RPAP1: variants seen among roughly 807,000 people sequenced by gnomAD.
RPAP1 encodes RNA polymerase II associated protein 1.
Under a neutral mutation model 142.4 loss-of-function variants are expected in RPAP1, and 109 were observed. That is an observed-to-expected ratio of 0.77 (90% confidence interval 0.66 to 0.90). The LOEUF (loss-of-function observed/expected upper bound fraction) is 0.90, where lower values mean the gene tolerates loss of function less well. RPAP1 is among the 40% of genes least tolerant of loss of function. The pLI is 0.00. For synonymous variants in RPAP1, 704 were observed against 738.9 expected (o/e 0.95, Z 0.77); for missense variants, 1,546 against 1,751.7 (o/e 0.88, Z 2.10).
At position 41,526,942 on chromosome 15, in the gene RPAP1, G is replaced by A. The variant is rs1337919191; in HGVS notation, c.1873C>T (p.Leu625Phe). The A allele has an allele frequency of 1.2e-6, 2 of 1,614,094 alleles. No homozygotes were observed. The highest frequency in any genetic ancestry group is 8.5e-7 in the Non-Finnish European group (1 of 1,179,946). Residue 625 changes from leucine to phenylalanine, a missense_variant, in exon 14 of 25, where the codon CTT becomes TTT. Coordinates refer to ENST00000304330, the MANE Select transcript of RPAP1 (RefSeq NM_015540.4). The stretch of plus-strand genomic sequence containing the variant: ...CTCCCAGCTGAGGCCAGGACACGAA[G>A]TAGTTTCATGGCAGTAGCACAGGGT... ...KVPCATAMKLLRVLASAGRNI... is the reference protein window; with the variant it reads ...KVPCATAMKLFRVLASAGRNI...
Position 41,520,444 on chromosome 15 carries a change from G to A in RPAP1, c.3742C>T (p.Leu1248Phe). ...RRFSVTLRLA[L>F]FGEHVGALRA... ...AAGGCTCCCACGTGTTCCCCAAAGAGGGCAAGGCGCAAGGTGACACTGAAC... is the reference window on the plus strand; with the variant it reads ...AAGGCTCCCACGTGTTCCCCAAAGAAGGCAAGGCGCAAGGTGACACTGAAC... Residue 1248 changes from leucine (L) to phenylalanine (F), a missense_variant, in exon 22 of 25, where the codon CTC (leucine) becomes TTC (phenylalanine). Leu to Phe is a conservative substitution (Grantham distance 22). This residue lies in a region of RPAP1 where 210 missense variants were observed against 248.0 expected (regional missense o/e 0.85). Coordinates refer to ENST00000304330, the MANE Select transcript of RPAP1 (RefSeq NM_015540.4). 2 of 1,613,876 alleles carry A rather than the reference G, an allele frequency of 1.2e-6. No individual in the cohort carries two copies. The highest frequency in any genetic ancestry group is 1.7e-6 in the Non-Finnish European group (2 of 1,179,812).
intron 1 of RPAP1, among the ~76,000 whole-genome samples, chr15:41,538,871 C>T (rs962859771): frequency 6.7e-6 from 1 of 148,356 alleles, no homozygotes; most frequent in African/African-American, 2.4e-5. Flanking sequence ...GACTCAGAAA[C>T]ATTTTATTTA....
At position 41,523,781 on chromosome 15, in the gene RPAP1, C is replaced by T; in HGVS notation, c.2426G>A (p.Trp809Ter). The part of the protein sequence containing the change: ...LLFLGAYYQA[W>*]SQQPSSCPED... Reference sequence around the variant, plus strand: ...GCAGGAGGCACTCACTTGCTGGCTCCAGGCCTGGTAGTAGGCTCCCAGGAA... The same window carrying T: ...GCAGGAGGCACTCACTTGCTGGCTCTAGGCCTGGTAGTAGGCTCCCAGGAA... The change falls in exon 17 of 25, where the codon TGG becomes TAG. Residue 809 changes from tryptophan (W) to a stop codon, truncating the protein, a stop_gained. Transcript: ENST00000304330. LOFTEE classifies it high-confidence loss of function. The T allele has an allele frequency of 1.3e-6, 2 of 1,599,208 alleles. No individual in the cohort carries two copies. The highest frequency in any genetic ancestry group is 1.7e-6 in the Non-Finnish European group (2 of 1,173,444).
Position 41,518,179 on chromosome 15 carries a change from G to A in RPAP1, c.3799C>T (p.Pro1267Ser), listed in dbSNP as rs1454764171. Residue 1267 changes from proline (P) to serine (S), a missense_variant, in exon 23 of 25, where the codon CCT becomes TCT. By Grantham distance (74) the Pro-to-Ser change is moderately conservative (BLOSUM62 -1). Coordinates refer to ENST00000304330, the MANE Select transcript of RPAP1 (RefSeq NM_015540.4). ...ACTGTGTAACACTCCAGGGACACAG[G>A]CAACTGTGACAGGGGAAATGACGTG... The part of the protein sequence containing the change: ...RALSLPLTQL[P>S]VSLECYTVPP... 6.4e-7 allele frequency: 1 copy of A among 1,562,518 alleles called. No homozygotes were observed. The highest frequency in any genetic ancestry group is 1.2e-5 in the South Asian group (1 of 83,440).
At position 41,521,047 on chromosome 15, in the gene RPAP1, G is replaced by A; in HGVS notation, c.3139C>T (p.Gln1047Ter). Residue 1047 changes from glutamine (Q) to a stop codon, truncating the protein, a stop_gained, in exon 22 of 25, where the codon CAG becomes TAG. Coordinates refer to ENST00000304330, the MANE Select transcript of RPAP1 (RefSeq NM_015540.4). LOFTEE classifies it high-confidence loss of function. ...PRCGQGTLLA[Q>*]ACQDLPSIRN... is the part of the protein sequence containing the mutation. Reference sequence around the variant, plus strand: ...ATGCTGGGGAGGTCCTGGCAGGCCTGAGCCAGCAGAGTCCCTTGCCCACAC... The same window carrying A: ...ATGCTGGGGAGGTCCTGGCAGGCCTAAGCCAGCAGAGTCCCTTGCCCACAC... The A allele has an allele frequency of 6.3e-7, 1 of 1,587,042 alleles. No individual in the cohort carries two copies. The highest frequency in any genetic ancestry group is 8.6e-7 in the Non-Finnish European group (1 of 1,166,954).
At position 41,525,130 on chromosome 15, in the gene RPAP1, G is replaced by A. The variant is rs550764201; in HGVS notation, c.1936C>T (p.Arg646Trp). ...GCTATGATGCGGCACAGGCGGCTCC[G>A]GAGATCAAAGCTGCTCAACTGGAAA... ...AARLLSSFDL[R>W]SRLCRIIAEA... The change falls in exon 15 of 25, where the codon CGG becomes TGG. Residue 646 changes from arginine (R) to tryptophan (W), a missense_variant. Arg to Trp is a moderately radical substitution (Grantham distance 101). This residue lies in a region of RPAP1 where 1,333 missense variants were observed against 1,486.6 expected (regional missense o/e 0.90). Coordinates refer to ENST00000304330, the MANE Select transcript of RPAP1 (RefSeq NM_015540.4). The A allele has an allele frequency of 2.0e-5, 32 of 1,611,282 alleles. No individual in the cohort carries two copies. The highest frequency in any genetic ancestry group is 4.0e-5 in the African/African-American group (3 of 74,936).
chr15:41,526,101 T>C (rs942277021), intron 14 of RPAP1, among the ~76,000 whole-genome samples: 1 of 152,120 alleles, frequency 6.6e-6, no homozygotes, highest in African/African-American at 2.4e-5. Context: ...AGGCGCACAC[T>C]ATTATACCTG....
chr15:41,534,419 C>G (rs188066288), intron 6 of RPAP1, among the ~76,000 whole-genome samples: 1 of 145,494 alleles, frequency 6.9e-6, no homozygotes, highest in African/African-American at 2.6e-5. Flanking sequence ...ACTCTGTCCC[C>G]CCAAAAAAAA....
Position 41,517,676 on chromosome 15 carries a change from G to A in RPAP1, c.4048C>T (p.Leu1350Phe). ...GAATTGGGAAGCTTATAGTGCAGGAGGTGCTGCCGGAGACCCTGCAGAAAG... is the reference window on the plus strand; with the variant it reads ...GAATTGGGAAGCTTATAGTGCAGGAAGTGCTGCCGGAGACCCTGCAGAAAG... ...LLADEGLRQH[L>F]LHYKLPNSTL... The change falls in exon 25 of 25, where the codon CTC becomes TTC. Residue 1350 changes from leucine to phenylalanine, a missense_variant. Physicochemically the swap from Leu to Phe is conservative, Grantham distance 22. Transcript: ENST00000304330. 1.2e-6 allele frequency: 2 copies of A among 1,612,718 alleles called. No individual in the cohort carries two copies. Among genetic ancestry groups the A allele is most frequent in the Admixed American group, 1.7e-5 (1 of 59,932 alleles).
At position 41,527,925 on chromosome 15, in the gene RPAP1, C is replaced by T; in HGVS notation, c.1363G>A (p.Val455Met). 1 of 1,614,038 alleles carries T rather than the reference C, an allele frequency of 6.2e-7. No individual in the cohort carries two copies. Among genetic ancestry groups the T allele is most frequent in the Non-Finnish European group, 8.5e-7 (1 of 1,179,966 alleles). The change falls in exon 11 of 25, where the codon GTG becomes ATG. Residue 455 changes from valine (V) to methionine (M), a missense_variant. Physicochemically the swap from Val to Met is conservative, Grantham distance 21. Coordinates refer to ENST00000304330, the MANE Select transcript of RPAP1 (RefSeq NM_015540.4). ...ATGGCGGTTGCAATGACCCCATCCA[C>T]TCTGTCATCCAAGGAGAAGCGCAGT... ...FLLRFSLDDR[V>M]DGVIATAIRA...
intron 6 of RPAP1, among the ~76,000 whole-genome samples, chr15:41,533,854 C>T (rs1260609365): frequency 7.8e-6 from 1 of 128,994 alleles, no homozygotes; most frequent in East Asian, 2.4e-4. Flanking sequence ...AAAAAAAAAA[C>T]CTAGGCGCAG....
intron 14 of RPAP1, 98 bp downstream of exon 14, chr15:41,526,800 G>T: frequency 1.7e-6 from 2 of 1,203,074 alleles, no homozygotes; most frequent in Non-Finnish European, 2.3e-6. Flanking sequence ...GGAAGAAGAT[G>T]GCAAGAGCTG....
intron 14 of RPAP1, among the ~76,000 whole-genome samples, chr15:41,525,780 G>A (rs898202849): frequency 6.6e-6 from 1 of 151,428 alleles, no homozygotes. Flanking sequence ...TCAGCCTCTG[G>A]AGTAGCCGGG....
Position 41,524,171 on chromosome 15 carries a change from T to C in RPAP1, c.2159A>G (p.Gln720Arg). 6.3e-7 allele frequency: 1 copy of C among 1,597,860 alleles called. No individual in the cohort carries two copies. The highest frequency in any genetic ancestry group is 8.5e-7 in the Non-Finnish European group (1 of 1,171,024). Residue 720 changes from glutamine to arginine, a missense_variant, in exon 16 of 25, where the codon CAG becomes CGG. Gln to Arg is a conservative substitution (Grantham distance 43, BLOSUM62 1). Coordinates refer to ENST00000304330, the MANE Select transcript of RPAP1 (RefSeq NM_015540.4). Reference protein sequence around the residue: ...STHPPQPLSMQRIASLLTLLT... With the variant: ...STHPPQPLSMRRIASLLTLLT... ...GAGAGTGAGCAGTGAGGCTATCCGC[T>C]GCATGGACAGGGGTTGAGGTGGGTG...
At chr15:41,533,173 G>C (rs1361738462) in intron 6 of RPAP1, among the ~76,000 whole-genome samples, 1 of 151,994 alleles carries the variant, frequency 6.6e-6, no homozygotes, top group Non-Finnish European at 1.5e-5. Context: ...GGACAGAACT[G>C]AATAATGCAT....
At chr15:41,521,181 T>C (rs1245990286) in intron 21 of RPAP1, 34 bp from the exon 22 acceptor site, 5 of 1,508,848 alleles carry the variant, frequency 3.3e-6, no homozygotes, top group Non-Finnish European at 4.4e-6. Context: ...AAATGAGGGC[T>C]GGAACCACAG....
rs1168758750 is a variant in RPAP1, at chr15:41,518,060, A to G, written c.3918T>C (p.Ala1306=). ...AGCTATTGACATGAGCCACAGCCAC[A>G]GCATAGAGCACGGGGCACCAACGTG... is the stretch of plus-strand genomic sequence containing the variant. The part of the protein sequence containing the change: ...LRPRWCPVLY[A]VAVAHVNSFI... The change falls in exon 23 of 25, where the codon GCT becomes GCC. Residue 1306 remains alanine, a synonymous_variant. Transcript: ENST00000304330. 1 of 1,613,826 alleles carries G rather than the reference A, an allele frequency of 6.2e-7. No homozygotes were observed. Among genetic ancestry groups the G allele is most frequent in the Non-Finnish European group, 8.5e-7 (1 of 1,179,902 alleles).
At chr15:41,530,103 G>A (rs1054684402) in intron 7 of RPAP1, 124 bp from the exon 8 acceptor site, 3 of 735,358 alleles carry the variant, frequency 4.1e-6, no homozygotes, top group South Asian at 3.1e-5. Flanking sequence ...TTCTACCCTC[G>A]GTTATGGCTA....
rs147044139 is a variant in RPAP1, at chr15:41,522,830, A to G, written c.2677T>C (p.Phe893Leu). Reference sequence around the variant, plus strand: ...AGAAGAGAGAGGAGGGCAGTGAGGAATGGGAAGGGTGAGGCTGAGCCAGCC... The same window carrying G: ...AGAAGAGAGAGGAGGGCAGTGAGGAGTGGGAAGGGTGAGGCTGAGCCAGCC... ...SLAGSASPFPFLTALLSLLNT... is the reference protein window; with the variant it reads ...SLAGSASPFPLLTALLSLLNT... The change falls in exon 19 of 25, where the codon TTC becomes CTC. Residue 893 changes from phenylalanine to leucine, a missense_variant. Coordinates refer to ENST00000304330, the MANE Select transcript of RPAP1 (RefSeq NM_015540.4). 3.0e-4 allele frequency: 480 copies of G among 1,586,084 alleles called. 2 individuals carry two copies. In the Middle Eastern group the frequency reaches 3.2e-3, roughly 11 times the overall value.
Sources: gnomAD v4.1 joint callset for allele counts (sites outside exome capture counted in the v4.1 genomes callset) on GRCh38, gnomAD v4.1.1 for gene constraint, gnomAD v4.1.1 regional missense constraint, MANE v1.5 for transcripts, NCBI Gene and HGNC (gene_info 2026-07-23, HGNC 2026-07-21) for gene names.